NOL4: variants seen among roughly 807,000 people sequenced by gnomAD.
NOL4 encodes nucleolar protein 4, also known as cancer/testis antigen 125.
In NOL4, 17 loss-of-function variants were observed where a neutral mutation model predicts 75.9. That is an observed-to-expected ratio of 0.22 (90% CI 0.15 to 0.34). The LOEUF (loss-of-function observed/expected upper bound fraction) is 0.34. Ranked by LOEUF, NOL4 falls within the 10% of genes least tolerant of loss-of-function variation. The pLI is 1.00. For synonymous variants in NOL4, 292 were observed against 289.9 expected, an observed-to-expected ratio of 1.01 and a Z score of -0.07; for missense variants, 614 against 793.5, an observed-to-expected ratio of 0.77 and a Z score of 2.72.
At chr18:33,869,732 TAGTC>T (rs1443017028) in intron 10 of NOL4, among the ~76,000 whole-genome samples, 1 of 152,092 alleles carries the variant, frequency 6.6e-6, no homozygotes, top group African/African-American at 2.4e-5. Flanking sequence ...TTTATACTAT[TAGTC>T]AATAAGCCAT....
Position 34,212,989 on chromosome 18 carries a change from G to A in NOL4, c.264+10001C>T, listed in dbSNP as rs1253285892. 7.2e-5 allele frequency among the ~76,000 whole-genome samples: 11 copies of A among 152,226 alleles called. No individual in the cohort carries two copies. The South Asian group carries it at 1.2e-3, about 17-fold the overall frequency. On this transcript the variant is annotated intron_variant, in intron 1 of 10. Transcript: ENST00000261592. The stretch of plus-strand genomic sequence containing the variant: ...TCTTAAAGTCAGCCTTACCATATAA[G>A]ATAATAACTATGAGAGTTATGGGGC...
chr18:34,147,714 G>C (rs534642685), intron 1 of NOL4, among the ~76,000 whole-genome samples: 19 of 152,170 alleles, frequency 1.2e-4, no homozygotes, highest in Admixed American at 1.0e-3. Context: ...TTGGTATCAG[G>C]ATGATGCTGG....
chr18:33,915,546 G>A (rs890657013), intron 9 of NOL4, among the ~76,000 whole-genome samples: 2 of 152,044 alleles, frequency 1.3e-5, no homozygotes, highest in African/African-American at 2.4e-5. Flanking sequence ...GGCGAGAGGC[G>A]ATGGGATGCA....
At chr18:34,102,883 A>G (rs2079106603) in intron 4 of NOL4, among the ~76,000 whole-genome samples, 1 of 152,012 alleles carries the variant, frequency 6.6e-6, no homozygotes. Flanking sequence ...TGATTTTATT[A>G]CTATTTATTC....
intron 6 of NOL4, among the ~76,000 whole-genome samples, chr18:34,007,302 G>A (rs1393907443): frequency 6.6e-6 from 1 of 151,924 alleles, no homozygotes; most frequent in Non-Finnish European, 1.5e-5. Flanking sequence ...AGTGTTACCA[G>A]GCCCTGTGAT....
chr18:34,185,294 C>A (rs1019938643), intron 1 of NOL4, among the ~76,000 whole-genome samples: 1 of 152,056 alleles, frequency 6.6e-6, no homozygotes, highest in Non-Finnish European at 1.5e-5. Flanking sequence ...AATAAAAGAC[C>A]ATGGATTACT....
chr18:33,895,996 A>G (rs1329021677), intron 9 of NOL4, among the ~76,000 whole-genome samples: 10 of 152,112 alleles, frequency 6.6e-5, no homozygotes, highest in Admixed American at 6.6e-4. Flanking sequence ...TAGCATTCTT[A>G]TACACCACCA....
At chr18:33,896,203 T>C (rs2065396852) in intron 9 of NOL4, among the ~76,000 whole-genome samples, 1 of 152,106 alleles carries the variant, frequency 6.6e-6, no homozygotes, top group Non-Finnish European at 1.5e-5. Flanking sequence ...GAAGAATCAA[T>C]ATCATTAAAA....
intron 5 of NOL4, among the ~76,000 whole-genome samples, chr18:34,057,918 A>G (rs76484944): frequency 4.6e-5 from 7 of 152,216 alleles, no homozygotes; most frequent in African/African-American, 1.7e-4. Context: ...AATGCAGAGC[A>G]TGATTTCAGG....
At position 33,937,781 on chromosome 18, in the gene NOL4, T is replaced by C. The variant is rs777117423; in HGVS notation, c.1542+5284A>G. On this transcript the variant is annotated intron_variant, in intron 9 of 10. Transcript: ENST00000261592. ...AATTTACAGCAAGAAAAAAGTAGTT[T>C]ATACACTTTTAAGATACTAATTATA... is the stretch of plus-strand genomic sequence containing the variant. Among the ~76,000 whole-genome samples the C allele has an allele frequency of 1.5e-4, 23 of 152,064 alleles. 1 individual carries two copies. The highest frequency in any genetic ancestry group is 1.0e-3 in the South Asian group (5 of 4,832).
At chr18:33,905,238 T>C (rs1261766192) in intron 9 of NOL4, among the ~76,000 whole-genome samples, 1 of 152,172 alleles carries the variant, frequency 6.6e-6, no homozygotes, top group Non-Finnish European at 1.5e-5. Context: ...CCCACAGATG[T>C]GGTCTCACAT....
At chr18:34,125,844 G>A (rs2080360371) in intron 2 of NOL4, among the ~76,000 whole-genome samples, 1 of 151,938 alleles carries the variant, frequency 6.6e-6, no homozygotes, top group Admixed American at 6.6e-5. Flanking sequence ...TGAAATAACT[G>A]AAACTCTCAC....
intron 1 of NOL4, among the ~76,000 whole-genome samples, chr18:34,179,477 T>C (rs1297122475): frequency 2.0e-5 from 3 of 151,448 alleles, no homozygotes; most frequent in Non-Finnish European, 4.4e-5. Context: ...GAATAAATTA[T>C]TTTTAAAGAA....
At position 34,059,122 on chromosome 18, in the gene NOL4, C is replaced by CATATATATATATATAT. The variant is rs55773398; in HGVS notation, c.772+34327_772+34342dup. Reference sequence around the variant, plus strand: ...ATATATAGAGAGATAGATAGATATACATATATATATATATATATATATATA... The same window carrying CATATATATATATATAT: ...ATATATAGAGAGATAGATAGATATACATATATATATATATATATATATATATATATATATATATATA... On this transcript the variant is annotated intron_variant, in intron 5 of 10. Transcript: ENST00000261592. Among the ~76,000 whole-genome samples, 66 of 118,184 alleles carry CATATATATATATATAT rather than the reference C, an allele frequency of 5.6e-4. 1 individual carries two copies. Among genetic ancestry groups the CATATATATATATATAT allele is most frequent in the Admixed American group, 7.5e-4 (8 of 10,666 alleles). The allele number at this position is 118,184 out of a possible 152,430, so 77.5% of individuals were successfully genotyped here.
At chr18:33,911,359 TCTAA>T (rs1177644634) in intron 9 of NOL4, among the ~76,000 whole-genome samples, 1 of 152,120 alleles carries the variant, frequency 6.6e-6, no homozygotes, top group Non-Finnish European at 1.5e-5. Context: ...TTTCTCTTTC[TCTAA>T]CTCTCATTAG....
intron 10 of NOL4, among the ~76,000 whole-genome samples, chr18:33,854,029 A>G (rs1187593223): frequency 2.0e-5 from 3 of 152,138 alleles, no homozygotes. Flanking sequence ...TTGCAGTATT[A>G]AATTTAAATC....
chr18:34,012,641 A>T (rs369659584), intron 6 of NOL4, among the ~76,000 whole-genome samples: 2 of 151,954 alleles, frequency 1.3e-5, no homozygotes, highest in Middle Eastern at 3.2e-3. Context: ...TCAATTACGC[A>T]TTCATTTACA....
intron 1 of NOL4, among the ~76,000 whole-genome samples, chr18:34,150,752 A>T (rs1419506399): frequency 6.6e-6 from 1 of 151,784 alleles, no homozygotes; most frequent in South Asian, 2.1e-4. Flanking sequence ...GCTAGACTTC[A>T]TTATAATTCA....
At chr18:34,158,068 A>G (rs749283307) in intron 1 of NOL4, among the ~76,000 whole-genome samples, 2 of 152,222 alleles carry the variant, frequency 1.3e-5, no homozygotes, top group Non-Finnish European at 2.9e-5. Context: ...AGGTAGTATC[A>G]AAGTCAGCTG....
Sources: allele counts gnomAD v4.1 joint callset (sites outside exome capture counted in the v4.1 genomes callset), GRCh38; gene constraint gnomAD v4.1.1; transcripts MANE v1.5; gene names NCBI Gene and HGNC (gene_info 2026-07-23, HGNC 2026-07-21).